Variants in KIF19 observed in about 807,000 individuals in gnomAD.
KIF19 encodes kinesin-like protein KIF19.
KIF19 carries 98 observed loss-of-function variants against 106.6 expected under a neutral mutation model. The ratio of observed to expected loss-of-function variants is 0.92; its 90% CI spans 0.78 to 1.09. The LOEUF is 1.09. Ranked by LOEUF, KIF19 falls within the 50% of genes least tolerant of loss-of-function variation. KIF19 has a pLI of 0.00. For missense variants in KIF19, 1,373 were observed against 1,414.3 expected (o/e 0.97, Z 0.47); for synonymous variants, 516 against 584.2 (o/e 0.88, Z 1.68).
chr17:74,326,441 C>A, intron 1 of KIF19, 53 bp downstream of exon 1: 1 of 1,561,810 alleles, frequency 6.4e-7, no homozygotes, highest in Non-Finnish European at 8.8e-7. Flanking sequence ...CTACTTCAGT[C>A]GGCCTCCAGC....
chr17:74,340,651 C>T (rs1346209726), intron 2 of KIF19, among the ~76,000 whole-genome samples: 2 of 152,198 alleles, frequency 1.3e-5, no homozygotes, highest in Non-Finnish European at 2.9e-5. Flanking sequence ...GGCTGCCAGC[C>T]CAAGCCCCTC....
Position 74,350,796 on chromosome 17 carries a change from C to T in KIF19, c.1478C>T (p.Ser493Leu). 6.2e-7 allele frequency: 1 copy of T among 1,614,042 alleles called. No homozygotes were observed. The highest frequency in any genetic ancestry group is 8.5e-7 in the Non-Finnish European group (1 of 1,179,904). ...CYAKDDSEKD[S>L]DTGDDQPDIL... ...GCTAAGGACGACAGCGAGAAGGACTCAGACACAGGTGATGACCAACCAGAC... is the reference window on the plus strand; with the variant it reads ...GCTAAGGACGACAGCGAGAAGGACTTAGACACAGGTGATGACCAACCAGAC... Residue 493 changes from serine to leucine, a missense_variant, in exon 12 of 20, where the codon TCA becomes TTA. Ser to Leu is a moderately radical substitution (Grantham distance 145). Transcript: ENST00000389916.
Position 74,346,554 on chromosome 17 carries a change from G to C in KIF19, c.924+30G>C. ...CAGCCACAGCTGGGCCTGGGCACTG[G>C]GCACCAAGGGTGAGGCTGCCAGATT... On this transcript the variant is annotated intron_variant, in intron 8 of 19. Coordinates refer to ENST00000389916, the MANE Select transcript of KIF19 (RefSeq NM_153209.4). This position sits in a 1 kb window ranked among gnomAD's most constrained non-coding sequence, Gnocchi z 4.6. 6.5e-7 allele frequency: 1 copy of C among 1,541,710 alleles called. No homozygotes were observed.
Position 74,354,869 on chromosome 17 carries a change from C to T in KIF19, c.2794C>T (p.Pro932Ser). Residue 932 changes from proline to serine, a missense_variant, in exon 19 of 20, where the codon CCT (proline) becomes TCT (serine). Transcript: ENST00000389916. ...GATGCCAGTGTGCAGGCACCCAGCC[C>T]CTGGTATCCGGCATCTGGGAAAGGT... ...HRMPVCRHPA[P>S]GIRHLGKVTL... is the part of the protein sequence containing the mutation. 6.4e-7 allele frequency: 1 copy of T among 1,566,578 alleles called. No homozygotes were observed. The highest frequency in any genetic ancestry group is 8.6e-7 in the Non-Finnish European group (1 of 1,156,106).
chr17:74,352,017 C>G lies in KIF19; in HGVS notation c.1738C>G (p.Gln580Glu). The G allele has an allele frequency of 6.4e-7, 1 of 1,558,226 alleles. No individual in the cohort carries two copies. The highest frequency in any genetic ancestry group is 2.4e-5 in the East Asian group (1 of 41,866). Residue 580 changes from glutamine to glutamate, a missense_variant, in exon 13 of 20, where the codon CAG (glutamine) becomes GAG (glutamate). Around this residue, in one of 3 missense-constraint regions of KIF19, gnomAD observed 1,020 missense variants for 1,008.2 expected, o/e 1.01. Coordinates refer to ENST00000389916, the MANE Select transcript of KIF19 (RefSeq NM_153209.4). The part of the protein sequence containing the change: ...HELEVENTEM[Q>E]SHALLRDGAL... ...GCTCGAGGTGGAGAACACCGAGATGCAGTCGCACGCGCTGCTCCGCGACGG... is the reference window on the plus strand; with the variant it reads ...GCTCGAGGTGGAGAACACCGAGATGGAGTCGCACGCGCTGCTCCGCGACGG...
At chr17:74,329,877 C>A (rs192475773) in intron 2 of KIF19, among the ~76,000 whole-genome samples, 1 of 152,192 alleles carries the variant, frequency 6.6e-6, no homozygotes. Context: ...GAAAGGCACA[C>A]GTGAGCACCT....
chr17:74,346,628 C>A lies in KIF19; in HGVS notation c.924+104C>A. 9.3e-7 allele frequency: 1 copy of A among 1,070,118 alleles called. No individual in the cohort carries two copies. The highest frequency in any genetic ancestry group is 1.3e-6 in the Non-Finnish European group (1 of 744,658). 66.3% of individuals were successfully genotyped at this position (1,070,118 alleles called of 1,614,324 possible). A position where few individuals can be genotyped will look rare whatever the true frequency, so the allele number is the denominator to read the frequency against. ...CCAGCTAAATTCCAACCTCAGGATA[C>A]ACAGCAAAATTTATTTTAGCGTAAA... On this transcript the variant is annotated intron_variant, in intron 8 of 19. Transcript: ENST00000389916. This position sits in a 1 kb window ranked among gnomAD's most constrained non-coding sequence, Gnocchi z 4.6.
chr17:74,333,580 C>G (rs1202873934), intron 2 of KIF19, among the ~76,000 whole-genome samples: 1 of 152,040 alleles, frequency 6.6e-6, no homozygotes, highest in African/African-American at 2.4e-5. Flanking sequence ...AGGCTGGTCT[C>G]GAACTCCTGA....
rs755842776 is a variant in KIF19 at position 74,352,150 on chromosome 17, C to T, written c.1858+13C>T. 6 of 1,583,708 alleles carry T rather than the reference C, an allele frequency of 3.8e-6. No individual in the cohort carries two copies. The highest frequency in any genetic ancestry group is 5.2e-6 in the Non-Finnish European group (6 of 1,162,562). ...CAGATCATCGACGGTAGGGCCCACGCCCCCGCGCATCTGAGCCACCCGCGG... is the reference window on the plus strand; with the variant it reads ...CAGATCATCGACGGTAGGGCCCACGTCCCCGCGCATCTGAGCCACCCGCGG... On this transcript the variant is annotated intron_variant, in intron 13 of 19. Transcript: ENST00000389916.
intron 2 of KIF19, among the ~76,000 whole-genome samples, chr17:74,332,212 G>GTGTGTT (rs1555619592): frequency 4.7e-4 from 18 of 38,050 alleles, no homozygotes; most frequent in Middle Eastern, 0.014. Flanking sequence ...GTGTGTGTTT[G>GTGTGTT]TGTGTGTGTG....
Position 74,354,336 on chromosome 17 carries a change from C to A in KIF19, c.2483C>A (p.Ala828Asp). Residue 828 changes from alanine to aspartate, a missense_variant, in exon 18 of 20, where the codon GCC (alanine) becomes GAC (aspartate). Physicochemically the swap from Ala to Asp is moderately radical, Grantham distance 126 (BLOSUM62 -2). Around this residue, in one of 3 missense-constraint regions of KIF19, gnomAD observed 1,020 missense variants for 1,008.2 expected, o/e 1.01. Transcript: ENST00000389916. ...GDDARPPGPL[A>D]CKRPPSPTLQ... Reference sequence around the variant, plus strand: ...GATGCGCGGCCACCAGGCCCACTGGCCTGCAAGCGGCCGCCCAGCCCCACA... The same window carrying A: ...GATGCGCGGCCACCAGGCCCACTGGACTGCAAGCGGCCGCCCAGCCCCACA... 6.2e-7 allele frequency: 1 copy of A among 1,606,830 alleles called. No homozygotes were observed.
chr17:74,354,250 C>A lies in KIF19; in HGVS notation c.2397C>A (p.His799Gln). Residue 799 changes from histidine to glutamine, a missense_variant, in exon 18 of 20, where the codon CAC (histidine) becomes CAA (glutamine). Transcript: ENST00000389916. ...RSRALGTEGR[H>Q]LLAPATERSS... ...GGGCCCTGGGAACCGAGGGGCGACACCTGCTGGCACCCGCGACAGAGCGCA... is the reference window on the plus strand; with the variant it reads ...GGGCCCTGGGAACCGAGGGGCGACAACTGCTGGCACCCGCGACAGAGCGCA... The A allele has an allele frequency of 3.1e-6, 5 of 1,608,446 alleles. No homozygotes were observed. In the South Asian group the frequency reaches 5.5e-5, roughly 18 times the overall value.
chr17:74,355,367 A>C lies in KIF19; in HGVS notation c.*55A>C. 2.7e-6 allele frequency: 4 copies of C among 1,503,070 alleles called. No individual in the cohort carries two copies. Among genetic ancestry groups the C allele is most frequent in the East Asian group, 4.8e-5 (2 of 41,574 alleles). 93.1% of individuals were successfully genotyped at this position (1,503,070 alleles called of 1,614,324 possible). On this transcript the variant is annotated 3_prime_UTR_variant, in exon 20 of 20. Coordinates refer to ENST00000389916, the MANE Select transcript of KIF19 (RefSeq NM_153209.4). ...CTCCCAAGACTGAATGGGGTCTAGC[A>C]GGGCATGGGAGGTGGAGGCTGGGCA...
intron 2 of KIF19, among the ~76,000 whole-genome samples, chr17:74,330,849 T>C (rs1161063127): frequency 6.6e-6 from 1 of 152,170 alleles, no homozygotes; most frequent in South Asian, 2.1e-4. Flanking sequence ...GAGAGTCTTG[T>C]CTGGGCTGGC....
chr17:74,329,250 C>T (rs1338023468), intron 2 of KIF19: 2 of 152,066 alleles, frequency 1.3e-5, no homozygotes, highest in Non-Finnish European at 2.9e-5. Flanking sequence ...AGATCAAGAC[C>T]ATCCTGGCCA....
At chr17:74,334,084 C>G (rs986668840) in intron 2 of KIF19, among the ~76,000 whole-genome samples, 1 of 152,096 alleles carries the variant, frequency 6.6e-6, no homozygotes, top group Non-Finnish European at 1.5e-5. Flanking sequence ...CTTGGCCTCC[C>G]AAAGTGCTGG....
At chr17:74,355,137 G>A (rs1224017892) in intron 19 of KIF19, 45 bp from the exon 20 acceptor site, 2 of 1,557,950 alleles carry the variant, frequency 1.3e-6, no homozygotes, top group East Asian at 2.3e-5. Context: ...GAGGAGTTGG[G>A]GAGGCATTCC....
chr17:74,338,865 C>T (rs2054285247), intron 2 of KIF19, among the ~76,000 whole-genome samples: 2 of 151,886 alleles, frequency 1.3e-5, no homozygotes. Flanking sequence ...CTGCCTGCTG[C>T]CCCCTCACCA....
At chr17:74,354,745 C>A in intron 18 of KIF19, 37 bp from the exon 19 acceptor site, 2 of 1,541,638 alleles carry the variant, frequency 1.3e-6, no homozygotes, top group South Asian at 1.2e-5. Flanking sequence ...GATCCCTGTG[C>A]CGCTCTCGGC....
Sources: gnomAD v4.1 joint callset for allele counts (sites outside exome capture counted in the v4.1 genomes callset) on GRCh38, gnomAD v4.1.1 for gene constraint, gnomAD v4.1.1 regional missense constraint, Gnocchi (gnomAD v3.1) non-coding constraint, MANE v1.5 for transcripts, NCBI Gene and HGNC (gene_info 2026-07-23, HGNC 2026-07-21) for gene names.